SEC31A: variants seen among roughly 807,000 people sequenced by gnomAD.
SEC31A encodes SEC31 homolog A, COPII component.
Under a neutral mutation model 151.0 loss-of-function variants are expected in SEC31A, and 70 were observed. That is an observed-to-expected ratio of 0.46 (90% confidence interval 0.38 to 0.57). The LOEUF (loss-of-function observed/expected upper bound fraction) is 0.57. SEC31A is among the 20% of genes least tolerant of loss of function. SEC31A has a pLI of 0.00. For synonymous variants in SEC31A, 475 were observed against 505.9 expected, an observed-to-expected ratio of 0.94 and a Z score of 0.82; for missense variants, 1,330 against 1,471.2, an observed-to-expected ratio of 0.90 and a Z score of 1.57.
intron 3 of SEC31A, chr4:82,899,656 C>G (rs556640557): frequency 2.0e-5 from 3 of 152,738 alleles, no homozygotes; most frequent in Non-Finnish European, 4.4e-5. Flanking sequence ...GCTATTAATT[C>G]CATTCAGAGA....
intron 1 of SEC31A, among the ~76,000 whole-genome samples, chr4:82,886,548 G>T (rs1370909245): frequency 6.6e-6 from 1 of 152,152 alleles, no homozygotes; most frequent in East Asian, 1.9e-4. Context: ...AAACTTCAGG[G>T]TTATTTGGGG....
chr4:82,851,393 C>T, intron 19 of SEC31A, 38 bp downstream of exon 19: 1 of 1,557,652 alleles, frequency 6.4e-7, no homozygotes, highest in Non-Finnish European at 8.8e-7. Flanking sequence ...CTGGACTCAC[C>T]TTACTCAAAC....
chr4:82,824,005 T>C (rs548340408), intron 25 of SEC31A, among the ~76,000 whole-genome samples: 1 of 152,144 alleles, frequency 6.6e-6, no homozygotes, highest in South Asian at 2.1e-4. Flanking sequence ...GTCTGTAAAA[T>C]AAAAATGACA....
At chr4:82,851,954 A>G (rs1371249837) in intron 18 of SEC31A, among the ~76,000 whole-genome samples, 1 of 152,244 alleles carries the variant, frequency 6.6e-6, no homozygotes, top group Non-Finnish European at 1.5e-5. Context: ...GGGAGGAACT[A>G]TGAGTGAAAA....
chr4:82,862,373 G>A (rs899337887), intron 13 of SEC31A, among the ~76,000 whole-genome samples, 161 bp downstream of exon 13: 6 of 151,930 alleles, frequency 3.9e-5, no homozygotes, highest in South Asian at 4.1e-4. Context: ...CTAAGCTCAT[G>A]TTATTTTAAA....
intron 1 of SEC31A, among the ~76,000 whole-genome samples, chr4:82,883,493 C>T (rs954772692): frequency 6.6e-6 from 1 of 152,134 alleles, no homozygotes. Context: ...TGCCCTACAG[C>T]CTTATCAGAG....
At chr4:82,873,131 C>T (rs182925579) in intron 6 of SEC31A, among the ~76,000 whole-genome samples, 40 of 152,140 alleles carry the variant, frequency 2.6e-4, no homozygotes, top group African/African-American at 7.7e-4. Context: ...GAGGCCAAGG[C>T]GGGTGGATCA....
chr4:82,886,714 T>G (rs1740802077), intron 1 of SEC31A, among the ~76,000 whole-genome samples: 1 of 152,240 alleles, frequency 6.6e-6, no homozygotes, highest in Non-Finnish European at 1.5e-5. Flanking sequence ...CAATCCACAT[T>G]GATCTAAATA....
intron 24 of SEC31A, among the ~76,000 whole-genome samples, chr4:82,827,151 T>C (rs1443457586): frequency 6.6e-6 from 1 of 152,214 alleles, no homozygotes. Context: ...AAACAAACGC[T>C]CTCAAATGTA....
intron 22 of SEC31A, among the ~76,000 whole-genome samples, chr4:82,833,673 T>G: frequency 1.3e-5 from 2 of 152,012 alleles, no homozygotes; most frequent in Middle Eastern, 6.8e-3. Flanking sequence ...TGTCAAATAC[T>G]TAGGGTCAGG....
At chr4:82,834,419 T>G (rs1182634042) in intron 22 of SEC31A, among the ~76,000 whole-genome samples, 2 of 152,156 alleles carry the variant, frequency 1.3e-5, no homozygotes, top group Non-Finnish European at 2.9e-5. Context: ...CACCAACTAT[T>G]AGCAGCACAA....
chr4:82,849,255 T>C (rs1423299321), intron 19 of SEC31A, among the ~76,000 whole-genome samples: 1 of 152,148 alleles, frequency 6.6e-6, no homozygotes, highest in Non-Finnish European at 1.5e-5. Context: ...CAATATCACT[T>C]ATTACTACTC....
At chr4:82,860,405 C>CTAGT (rs1192390292) in intron 14 of SEC31A, among the ~76,000 whole-genome samples, 3 of 152,156 alleles carry the variant, frequency 2.0e-5, no homozygotes, top group Non-Finnish European at 2.9e-5. Flanking sequence ...AATACATAGT[C>CTAGT]TAGTTGTACA....
At chr4:82,826,356 T>TG (rs1724551877) in intron 24 of SEC31A, among the ~76,000 whole-genome samples, 1 of 146,960 alleles carries the variant, frequency 6.8e-6, no homozygotes, top group Non-Finnish European at 1.5e-5. Flanking sequence ...TATTATCTCT[T>TG]TTTGTTGTTG....
At chr4:82,878,982 C>A in intron 3 of SEC31A, 54 bp from the exon 4 acceptor site, 1 of 1,384,480 alleles carries the variant, frequency 7.2e-7, no homozygotes, top group Admixed American at 2.0e-5. Flanking sequence ...TAAATGTAGA[C>A]AAAAAATTGA....
intron 1 of SEC31A, among the ~76,000 whole-genome samples, chr4:82,883,988 C>CTTTTT (rs11373334): frequency 7.9e-6 from 1 of 125,968 alleles, no homozygotes; most frequent in Non-Finnish European, 1.6e-5. Context: ...CTTTTCTATT[C>CTTTTT]TTTTTTTTTT....
At chr4:82,841,113 T>C (rs538766691) in intron 22 of SEC31A, among the ~76,000 whole-genome samples, 2 of 152,246 alleles carry the variant, frequency 1.3e-5, no homozygotes, top group African/African-American at 4.8e-5. Context: ...TACAAAAACA[T>C]ACTTTTTCTA....
chr4:82,880,835 T>C lies in SEC31A; in HGVS notation c.167A>G (p.Asp56Gly). Residue 56 changes from aspartate to glycine, a missense_variant, in exon 3 of 27, where the codon GAT (aspartate) becomes GGT (glycine). Coordinates refer to ENST00000395310, the MANE Select transcript of SEC31A (RefSeq NM_001077207.4). ...GGAGAATGTGGCACAAGATTTCATA[T>C]CCAAGGATGGATCAGAGAGGTCTAA... ...FELDLSDPSL[D>G]MKSCATFSSS... is the part of the protein sequence containing the mutation. The C allele has an allele frequency of 6.2e-7, 1 of 1,613,180 alleles. No homozygotes were observed. Among genetic ancestry groups the C allele is most frequent in the South Asian group, 1.1e-5 (1 of 90,954 alleles).
upstream of SEC31A, among the ~76,000 whole-genome samples, chr4:82,892,286 T>C: frequency 6.6e-6 from 1 of 152,226 alleles, no homozygotes; most frequent in East Asian, 1.9e-4. Context: ...TTTTGATTAG[T>C]CTTCAATTCA....
Sources: gnomAD v4.1 joint callset for allele counts (sites outside exome capture counted in the v4.1 genomes callset) on GRCh38, gnomAD v4.1.1 for gene constraint, MANE v1.5 for transcripts, NCBI Gene and HGNC (gene_info 2026-07-23, HGNC 2026-07-21) for gene names.